Variants in CTNNA3 observed in about 807,000 individuals in gnomAD.
The protein encoded by CTNNA3 is catenin alpha 3.
A neutral mutation model predicts 95.7 loss-of-function variants in CTNNA3; 76 were observed. The ratio of observed to expected loss-of-function variants is 0.79; its 90% CI spans 0.66 to 0.96. CTNNA3 has a LOEUF of 0.96. Ranked by LOEUF, CTNNA3 falls within the 40% of genes least tolerant of loss-of-function variation. CTNNA3 has a pLI of 0.00. For missense variants in CTNNA3, 1,191 were observed against 1,089.8 expected (o/e 1.09, Z -1.31); for synonymous variants, 431 against 374.4 (o/e 1.15, Z -1.74).
At chr10:67,375,372 G>A (rs1011531449) in intron 5 of CTNNA3, among the ~76,000 whole-genome samples, 19 of 152,178 alleles carry the variant, frequency 1.2e-4, no homozygotes, top group African/African-American at 3.4e-4. Flanking sequence ...TTGGGAAGCC[G>A]AGGTGGACAG....
intron 9 of CTNNA3, among the ~76,000 whole-genome samples, chr10:66,644,339 ATATAT>A (rs1399515077): frequency 3.4e-5 from 5 of 147,812 alleles, no homozygotes; most frequent in African/African-American, 7.4e-5. Flanking sequence ...AATACTTTAC[ATATAT>A]TATATATATT....
At chr10:66,719,283 G>A (rs778305052) in intron 9 of CTNNA3, among the ~76,000 whole-genome samples, 6 of 151,818 alleles carry the variant, frequency 4.0e-5, no homozygotes, top group Non-Finnish European at 7.4e-5. Context: ...GTACAATGTC[G>A]GTGTATCAAT....
At chr10:67,738,582 G>A (rs541793513) in intron 1 of CTNNA3, among the ~76,000 whole-genome samples, 3 of 152,168 alleles carry the variant, frequency 2.0e-5, no homozygotes, top group South Asian at 4.2e-4. Flanking sequence ...GAACAAAGCT[G>A]GGGGGAGAAT....
chr10:66,506,134 C>A (rs143201838), intron 11 of CTNNA3, among the ~76,000 whole-genome samples: 1 of 152,160 alleles, frequency 6.6e-6, no homozygotes, highest in Non-Finnish European at 1.5e-5. Context: ...CCTGCCCTTG[C>A]AGGAATAAAT....
In CTNNA3 at chr10:66,273,954, C is replaced by T. The variant is rs141531890; in HGVS notation, c.1884+6516G>A. Among the ~76,000 whole-genome samples the T allele has an allele frequency of 2.5e-3, 379 of 150,122 alleles. 3 individuals carry two copies. Among genetic ancestry groups the T allele is most frequent in the African/African-American group, 8.9e-3 (365 of 40,880 alleles). On this transcript the variant is annotated intron_variant, in intron 13 of 17. Transcript: ENST00000433211. ...GGTGGTCGTGTAGCTCCAGGAACCT[C>T]GAAGAAAAGACAATTCTAATATTCA...
At chr10:67,522,328 T>C (rs1358161363) in intron 4 of CTNNA3, among the ~76,000 whole-genome samples, 1 of 152,178 alleles carries the variant, frequency 6.6e-6, no homozygotes, top group African/African-American at 2.4e-5. Flanking sequence ...GAGGAAGCAT[T>C]AAAGAGTGCT....
chr10:67,220,132 TC>T (rs2132266546), intron 5 of CTNNA3, among the ~76,000 whole-genome samples: 1 of 152,322 alleles, frequency 6.6e-6, no homozygotes, highest in Non-Finnish European at 1.5e-5. Flanking sequence ...TTCAGTCAAG[TC>T]CTTGTCAGTC....
At chr10:66,885,306 G>T (rs1359028625) in intron 7 of CTNNA3, among the ~76,000 whole-genome samples, 1 of 152,138 alleles carries the variant, frequency 6.6e-6, no homozygotes, top group Non-Finnish European at 1.5e-5. Context: ...GGTTTTTTGT[G>T]AGAGTATGAT....
intron 1 of CTNNA3, among the ~76,000 whole-genome samples, chr10:67,713,177 GA>G (rs1564838543): frequency 6.6e-6 from 1 of 152,082 alleles, no homozygotes; most frequent in Admixed American, 6.6e-5. Flanking sequence ...ACAAACAAAT[GA>G]AAAAAAGCTC....
At chr10:67,726,285 C>CATATTATATATGATATTATCTTAT (rs1401589025) in intron 1 of CTNNA3, among the ~76,000 whole-genome samples, 1 of 94,110 alleles carries the variant, frequency 1.1e-5, no homozygotes, top group African/African-American at 4.5e-5. Flanking sequence ...TATTATATTA[C>CATATTATATATGATATTATCTTAT]ATATTATATA....
intron 7 of CTNNA3, among the ~76,000 whole-genome samples, chr10:66,837,194 G>A (rs895452460): frequency 5.9e-5 from 9 of 151,976 alleles, no homozygotes; most frequent in Non-Finnish European, 8.8e-5. Flanking sequence ...TATTATTATC[G>A]AATAAGCAAC....
chr10:66,049,485 C>A (rs1180985991), intron 15 of CTNNA3, among the ~76,000 whole-genome samples: 1 of 152,128 alleles, frequency 6.6e-6, no homozygotes, highest in African/African-American at 2.4e-5. Context: ...GACACATGCA[C>A]ACAAATGTTC....
intron 5 of CTNNA3, among the ~76,000 whole-genome samples, chr10:67,457,492 T>A (rs1490806393): frequency 6.6e-6 from 1 of 152,220 alleles, no homozygotes; most frequent in East Asian, 1.9e-4. Context: ...ACGCAGTTCT[T>A]TCATTCATCA....
intron 13 of CTNNA3, among the ~76,000 whole-genome samples, chr10:66,200,571 G>C (rs115700176): frequency 0.011 from 1,654 of 152,256 alleles, 24 homozygotes; most frequent in African/African-American, 0.038. Flanking sequence ...ATATGGATGA[G>C]AGTGTCACAA....
chr10:67,429,182 G>T (rs148833873), intron 5 of CTNNA3, among the ~76,000 whole-genome samples: 1 of 151,822 alleles, frequency 6.6e-6, no homozygotes, highest in East Asian at 1.9e-4. Context: ...TAGAACTTTG[G>T]CCCCTCCTTA....
intron 11 of CTNNA3, among the ~76,000 whole-genome samples, chr10:66,449,877 C>T (rs968586888): frequency 2.0e-5 from 3 of 148,932 alleles, no homozygotes; most frequent in Non-Finnish European, 2.9e-5. Flanking sequence ...CAGTAAAATA[C>T]TGAAAATTCT....
At chr10:66,003,306 G>A (rs2078806512) in intron 15 of CTNNA3, among the ~76,000 whole-genome samples, 1 of 150,504 alleles carries the variant, frequency 6.6e-6, no homozygotes, top group African/African-American at 2.4e-5. Flanking sequence ...ATTGCTGCTG[G>A]TGGCGGTGGT....
At chr10:66,556,623 CA>C (rs1249462991) in intron 10 of CTNNA3, among the ~76,000 whole-genome samples, 2 of 151,830 alleles carry the variant, frequency 1.3e-5, no homozygotes, top group Non-Finnish European at 2.9e-5. Flanking sequence ...AAGACATATA[CA>C]GAAAGCAAAA....
intron 12 of CTNNA3, among the ~76,000 whole-genome samples, chr10:66,316,912 G>T (rs1001463426): frequency 6.6e-6 from 1 of 152,106 alleles, no homozygotes; most frequent in East Asian, 1.9e-4. Context: ...GATTACGGCA[G>T]AATAAAATTT....
Sources: gnomAD v4.1 joint callset for allele counts (sites outside exome capture counted in the v4.1 genomes callset) on GRCh38, gnomAD v4.1.1 for gene constraint, MANE v1.5 for transcripts, NCBI Gene and HGNC (gene_info 2026-07-23, HGNC 2026-07-21) for gene names.